KRT83: variants seen among roughly 807,000 people sequenced by gnomAD.
The protein encoded by KRT83 is keratin, type II cuticular Hb3.
Under a neutral mutation model 52.9 loss-of-function variants are expected in KRT83, and 51 were observed. The ratio of observed to expected loss-of-function variants is 0.96; its 90% CI spans 0.77 to 1.22. The LOEUF is 1.22. KRT83 is among the 50% of genes most tolerant of loss of function. KRT83 has a pLI of 0.00. For missense variants in KRT83, 654 were observed against 666.5 expected (o/e 0.98, Z 0.21); for synonymous variants, 278 against 274.1 (o/e 1.01, Z -0.14).
At position 52,316,930 on chromosome 12, in the gene KRT83, C is replaced by G. The variant is rs376193228; in HGVS notation, c.844G>C (p.Glu282Gln). ...RDLNMDCIVA[E>Q]IKAQYDDIAT... is the part of the protein sequence containing the mutation. ...ATGTCATCATACTGTGCCTTGATCT[C>G]GGCAACGATGCAGTCCATGTTCAGG... The change falls in exon 5 of 9, where the codon GAG (glutamate) becomes CAG (glutamine). Residue 282 changes from glutamate (E) to glutamine (Q), a missense_variant. Coordinates refer to ENST00000293670, the MANE Select transcript of KRT83 (RefSeq NM_002282.3). 1 of 1,614,174 alleles carries G rather than the reference C, an allele frequency of 6.2e-7. No homozygotes were observed. The highest frequency in any genetic ancestry group is 2.2e-5 in the East Asian group (1 of 44,882).
chr12:52,314,581 T>C lies in KRT83; in HGVS notation c.*50A>G, dbSNP rs771384854. On this transcript the variant is annotated 3_prime_UTR_variant, in exon 9 of 9. Coordinates refer to ENST00000293670, the MANE Select transcript of KRT83 (RefSeq NM_002282.3). ...CTGTTTTCAGCTGGTGGTGGGGCAG[T>C]GGCACGTCTGGCAGGCAGAAGGGGC... 1.3e-6 allele frequency: 2 copies of C among 1,506,742 alleles called. No homozygotes were observed. Among genetic ancestry groups the C allele is most frequent in the Non-Finnish European group, 1.8e-6 (2 of 1,107,678 alleles). The allele number at this position is 1,506,742 out of a possible 1,614,324, so 93.3% of individuals were successfully genotyped here. A position where few individuals can be genotyped will look rare whatever the true frequency, so the allele number is the denominator to read the frequency against.
chr12:52,316,969 C>T lies in KRT83; in HGVS notation c.805G>A (p.Asp269Asn), dbSNP rs1400784405. 1 of 1,614,050 alleles carries T rather than the reference C, an allele frequency of 6.2e-7. No homozygotes were observed. Among genetic ancestry groups the T allele is most frequent in the Non-Finnish European group, 8.5e-7 (1 of 1,180,046 alleles). ...ISDTSVVVKL[D>N]NSRDLNMDCI... ...TCCATGTTCAGGTCCCGGCTGTTGT[C>T]CAGCTTGACAACCACGGAGGTGTCT... Residue 269 changes from aspartate (D) to asparagine (N), a missense_variant, in exon 5 of 9, where the codon GAC (aspartate) becomes AAC (asparagine). Coordinates refer to ENST00000293670, the MANE Select transcript of KRT83 (RefSeq NM_002282.3).
chr12:52,317,870 G>C, intron 3 of KRT83, 40 bp downstream of exon 3: 1 of 1,612,166 alleles, frequency 6.2e-7, no homozygotes, highest in Non-Finnish European at 8.5e-7. Context: ...ATGGGTGGCG[G>C]GACTCAGGGC....
intron 2 of KRT83, 87 bp downstream of exon 2, chr12:52,319,069 C>A: frequency 6.3e-7 from 1 of 1,592,656 alleles, no homozygotes; most frequent in Admixed American, 1.7e-5. Context: ...GGCAGAGATG[C>A]CAGCTGCAGA....
Position 52,315,437 on chromosome 12 carries a change from CTATTTCTGACCTA to C in KRT83, c.1263-107_1263-95del. 3.1e-6 allele frequency: 4 copies of C among 1,286,024 alleles called. No individual in the cohort carries two copies. The South Asian group carries it at 4.8e-5, about 15-fold the overall frequency. 79.7% of individuals were successfully genotyped at this position (1,286,024 alleles called of 1,614,324 possible). ...GGTGCTGAAATGGGTCATCTCAGGG[CTATTTCTGACCTA>C]CATTTATTCCCTTGTGCAGCTTAGA... On this transcript the variant is annotated intron_variant, in intron 7 of 8. Coordinates refer to ENST00000293670, the MANE Select transcript of KRT83 (RefSeq NM_002282.3).
At chr12:52,316,284 A>ACACACACACACC (rs1363143550) in intron 6 of KRT83, among the ~76,000 whole-genome samples, 171 bp from the exon 7 acceptor site, 3 of 119,050 alleles carry the variant, frequency 2.5e-5, no homozygotes, top group African/African-American at 9.3e-5. Flanking sequence ...ACACACACAC[A>ACACACACACACC]CCACACAGAT....
rs767352531 is a variant in KRT83 at position 52,314,642 on chromosome 12, C to G, written c.1471G>C (p.Gly491Arg). The G allele has an allele frequency of 3.8e-6, 6 of 1,568,230 alleles. No individual in the cohort carries two copies. The highest frequency in any genetic ancestry group is 2.6e-6 in the Non-Finnish European group (3 of 1,156,602). The change falls in exon 9 of 9, where the codon GGG becomes CGG. Residue 491 changes from glycine to arginine, a missense_variant. Coordinates refer to ENST00000293670, the MANE Select transcript of KRT83 (RefSeq NM_002282.3). ...TTCGGGSCGQ[G>R]RH ...CTCTTTTGGGCCACTTAATGCCTCC[C>G]CTGGCCGCAGGAGCCCCCTCCACAG...
At chr12:52,315,181 C>T in intron 8 of KRT83, 131 bp downstream of exon 8, 2 of 990,058 alleles carry the variant, frequency 2.0e-6, no homozygotes, top group South Asian at 2.6e-5. Flanking sequence ...TGTCTTGCTG[C>T]ATGACCAACC....
At position 52,315,311 on chromosome 12, in the gene KRT83, C is replaced by T. The variant is rs1368840419; in HGVS notation, c.1294+1G>A. On this transcript the variant is annotated splice_donor_variant, in intron 8 of 8. Transcript: ENST00000293670. LOFTEE classifies it high-confidence loss of function. Reference sequence around the variant, plus strand: ...TCCTTTTCAGGGCTCAAGATACTTACAGACATTCACAGCTTCAACACCTTC... The same window carrying T: ...TCCTTTTCAGGGCTCAAGATACTTATAGACATTCACAGCTTCAACACCTTC... The T allele has an allele frequency of 2.5e-6, 4 of 1,613,732 alleles. No homozygotes were observed. Among genetic ancestry groups the T allele is most frequent in the Admixed American group, 1.7e-5 (1 of 60,020 alleles).
At chr12:52,317,365 C>T (rs947733669) in intron 4 of KRT83, among the ~76,000 whole-genome samples, 1 of 152,162 alleles carries the variant, frequency 6.6e-6, no homozygotes, top group African/African-American at 2.4e-5. Context: ...TGGGCCAGAG[C>T]AATGGGTTCA....
Position 52,315,777 on chromosome 12 carries a change from T to C in KRT83, c.1262+116A>G, listed in dbSNP as rs183968735. 958 of 1,394,160 alleles carry C rather than the reference T, an allele frequency of 6.9e-4. 4 individuals carry two copies. The African/African-American group carries it at 0.012, about 17-fold the overall frequency. The allele number at this position is 1,394,160 out of a possible 1,614,324, so 86.4% of individuals were successfully genotyped here. A position where few individuals can be genotyped will look rare whatever the true frequency, so the allele number is the denominator to read the frequency against. On this transcript the variant is annotated intron_variant, in intron 7 of 8. Coordinates refer to ENST00000293670, the MANE Select transcript of KRT83 (RefSeq NM_002282.3). ...TTGAGAATGAGACAACTTGAAGATA[T>C]GGATCTGGGATCCATAGAGGCAAGA... is the stretch of plus-strand genomic sequence containing the variant.
Position 52,319,161 on chromosome 12 carries a change from C to A in KRT83, c.588G>T (p.Lys196Asn). The A allele has an allele frequency of 6.2e-7, 1 of 1,613,294 alleles. No individual in the cohort carries two copies. Among genetic ancestry groups the A allele is most frequent in the Non-Finnish European group, 8.5e-7 (1 of 1,179,862 alleles). ...CCCCTCCTGCCCACACTCACTTCTT[C>A]TTGTAGCCCTCCAGCACCTCCTGCA... ...NHVQEVLEGY[K>N]KKYEEEVALR... The change falls in exon 2 of 9, where the codon AAG becomes AAT. Residue 196 changes from lysine (K) to asparagine (N), a missense_variant. By Grantham distance (94) the Lys-to-Asn change is moderately conservative. Transcript: ENST00000293670.
chr12:52,316,375 TG>T lies in KRT83; in HGVS notation c.1041+92del, dbSNP rs1297328889. 83 of 1,577,888 alleles carry T rather than the reference TG, an allele frequency of 5.3e-5. No homozygotes were observed. The East Asian group carries it at 1.8e-3, about 35-fold the overall frequency. On this transcript the variant is annotated intron_variant, in intron 6 of 8. Transcript: ENST00000293670. ...TACTCTGTCACCCATGAGACTGCAC[TG>T]GGAAGACTTTTCCAGAATCTAACTC...
chr12:52,320,166 AT>A (rs5798207), intron 1 of KRT83, among the ~76,000 whole-genome samples: 57,554 of 150,890 alleles, frequency 0.38, 11,422 homozygotes, highest in African/African-American at 0.49. Flanking sequence ...GAAATTCCAC[AT>A]TTTTTTTTCC....
chr12:52,319,116 G>T, intron 2 of KRT83, 40 bp downstream of exon 2: 4 of 1,612,128 alleles, frequency 2.5e-6, no homozygotes, highest in African/African-American at 1.3e-5. Context: ...CTGCCACCAT[G>T]CTATTTCCTG....
In KRT83 at chr12:52,314,828, C is replaced by A. The variant is rs1197192047; in HGVS notation, c.1295-10G>T. On this transcript the variant is annotated splice_polypyrimidine_tract_variant and intron_variant, in intron 8 of 8. Transcript: ENST00000293670. Reference sequence around the variant, plus strand: ...CGGGAGCTGCTGACACCTGTGGGAACAAGGGCAGGGTCAAGAGACCCCTGC... The same window carrying A: ...CGGGAGCTGCTGACACCTGTGGGAAAAAGGGCAGGGTCAAGAGACCCCTGC... 1.3e-6 allele frequency: 2 copies of A among 1,599,148 alleles called. No homozygotes were observed. Among genetic ancestry groups the A allele is most frequent in the Non-Finnish European group, 1.7e-6 (2 of 1,173,408 alleles).
At chr12:52,315,106 T>C (rs1336108929) in intron 8 of KRT83, among the ~76,000 whole-genome samples, 1 of 152,176 alleles carries the variant, frequency 6.6e-6, no homozygotes, top group Non-Finnish European at 1.5e-5. Context: ...AATGACATCT[T>C]ATTATTTTTT....
chr12:52,316,228 G>T, intron 6 of KRT83, 115 bp from the exon 7 acceptor site: 2 of 1,382,036 alleles, frequency 1.4e-6, no homozygotes, highest in Non-Finnish European at 2.0e-6. Context: ...TCTCCAATCA[G>T]CTTCCTAACC....
Position 52,317,592 on chromosome 12 carries a change from C to A in KRT83, c.750+89G>T. Reference sequence around the variant, plus strand: ...CCGTGAGCCTGGGTTCATATGTCAGCAGGCCTGGTTCATGCCTGTGGGTGT... The same window carrying A: ...CCGTGAGCCTGGGTTCATATGTCAGAAGGCCTGGTTCATGCCTGTGGGTGT... On this transcript the variant is annotated intron_variant, in intron 4 of 8. Transcript: ENST00000293670. 14 of 1,419,984 alleles carry A rather than the reference C, an allele frequency of 9.9e-6. No homozygotes were observed. In the South Asian group the frequency reaches 1.5e-4, roughly 15 times the overall value. The allele number at this position is 1,419,984 out of a possible 1,614,324, so 88.0% of individuals were successfully genotyped here. A position where few individuals can be genotyped will look rare whatever the true frequency, so the allele number is the denominator to read the frequency against.
Sources: allele counts gnomAD v4.1 joint callset (sites outside exome capture counted in the v4.1 genomes callset), GRCh38; gene constraint gnomAD v4.1.1; transcripts MANE v1.5; gene names NCBI Gene and HGNC (gene_info 2026-07-23, HGNC 2026-07-21).